The following TRPM2 variants were observed in gnomAD, a reference collection of about 807,000 sequenced individuals.
TRPM2 encodes the protein estrogen-responsive element-associated gene 1 protein.
A neutral mutation model predicts 174.0 loss-of-function variants in TRPM2; 161 were observed. The ratio of observed to expected loss-of-function variants is 0.93; its 90% CI spans 0.81 to 1.05. The LOEUF is 1.05. TRPM2 is among the 50% of genes least tolerant of loss of function. TRPM2 has a pLI of 0.00. For missense variants in TRPM2, 2,057 were observed against 2,038.0 expected (o/e 1.01, Z -0.18); for synonymous variants, 954 against 861.3 (o/e 1.11, Z -1.88).
chr21:44,373,591 C>T (rs938617906), intron 5 of TRPM2, among the ~76,000 whole-genome samples: 2 of 111,250 alleles, frequency 1.8e-5, no homozygotes, highest in African/African-American at 5.7e-5. Context: ...ATGCGACCTG[C>T]ATTATATGCG....
At chr21:44,398,404 T>C (rs1453306956) in intron 13 of TRPM2, among the ~76,000 whole-genome samples, 1 of 152,114 alleles carries the variant, frequency 6.6e-6, no homozygotes, top group African/African-American at 2.4e-5. Flanking sequence ...TTTCATCATA[T>C]TGGTCAGGCT....
intron 22 of TRPM2, among the ~76,000 whole-genome samples, chr21:44,420,599 C>T (rs868410690): frequency 2.0e-5 from 3 of 152,344 alleles, no homozygotes; most frequent in South Asian, 4.1e-4. Context: ...ACAACCTTCT[C>T]TTACTTGCTG....
At chr21:44,408,751 G>A (rs1365041023) in intron 19 of TRPM2, among the ~76,000 whole-genome samples, 4 of 149,572 alleles carry the variant, frequency 2.7e-5, no homozygotes, top group Non-Finnish European at 4.4e-5. Context: ...TCTGCCTCCC[G>A]GGCTCAAGTG....
At chr21:44,418,608 C>G (rs1287854505) in intron 22 of TRPM2, 53 bp downstream of exon 22, 2 of 1,600,732 alleles carry the variant, frequency 1.2e-6, no homozygotes, top group Non-Finnish European at 1.7e-6. Flanking sequence ...GGACCTCCTG[C>G]AGGTCCACAG....
chr21:44,395,338 G>A (rs2146255483), intron 11 of TRPM2, 76 bp from the exon 12 acceptor site: 1 of 1,553,796 alleles, frequency 6.4e-7, no homozygotes, highest in Non-Finnish European at 8.7e-7. Context: ...GTCAGGGCCT[G>A]CACCTCTGAC....
At chr21:44,385,568 C>T (rs2048996007) in intron 9 of TRPM2, among the ~76,000 whole-genome samples, 1 of 152,182 alleles carries the variant, frequency 6.6e-6, no homozygotes, top group Non-Finnish European at 1.5e-5. Context: ...AGAAATAAAA[C>T]TTATAAATTG....
At chr21:44,407,043 C>T (rs1469629199) in intron 19 of TRPM2, among the ~76,000 whole-genome samples, 10 of 149,414 alleles carry the variant, frequency 6.7e-5, no homozygotes, top group South Asian at 4.3e-4. Context: ...CAGCTGACAG[C>T]CCCCTGAAAT....
intron 22 of TRPM2, chr21:44,423,361 C>T: frequency 2.3e-6 from 1 of 437,950 alleles, no homozygotes; most frequent in Non-Finnish European, 4.2e-6. Flanking sequence ...CCTGGCCCTC[C>T]CTCAGTTCAC....
At chr21:44,401,564 G>A in intron 15 of TRPM2, 117 bp from the exon 16 acceptor site, 1 of 1,025,820 alleles carries the variant, frequency 9.7e-7, no homozygotes, top group East Asian at 2.5e-5. Flanking sequence ...GAGTGCTTTT[G>A]CCTCTAAAAG....
chr21:44,436,198 A>C (rs1447342111), intron 28 of TRPM2, among the ~76,000 whole-genome samples: 1 of 152,182 alleles, frequency 6.6e-6, no homozygotes, highest in Non-Finnish European at 1.5e-5. Flanking sequence ...GCAGGTGCAG[A>C]CGCCTGCGTC....
At position 44,401,745 on chromosome 21, in the gene TRPM2, G is replaced by A. The variant is rs554340633; in HGVS notation, c.2386G>A (p.Val796Met). 1.6e-5 allele frequency: 26 copies of A among 1,613,624 alleles called. No homozygotes were observed. In the Middle Eastern group the frequency reaches 4.9e-4, roughly 31 times the overall value. ...CGCCCGTGCCTTCTTCACCGCACCC[G>A]TGGTGGTCTTCCACCTGAACATCCT... is the stretch of plus-strand genomic sequence containing the variant. The part of the protein sequence containing the change: ...ARARAFFTAP[V>M]VVFHLNILSY... Residue 796 changes from valine to methionine, a missense_variant, in exon 16 of 32, where the codon GTG (valine) becomes ATG (methionine). By Grantham distance (21) the Val-to-Met change is conservative (BLOSUM62 1). Transcript: ENST00000397928.
At position 44,438,847 on chromosome 21, in the gene TRPM2, C is replaced by G. The variant is rs2051378156; in HGVS notation, c.4168-220C>G. Among the ~76,000 whole-genome samples, 1 of 152,184 alleles carries G rather than the reference C, an allele frequency of 6.6e-6. No homozygotes were observed. Among genetic ancestry groups the G allele is most frequent in the Non-Finnish European group, 1.5e-5 (1 of 68,020 alleles). ...TGCTCCTCAGAGGTTGTGTCTGCAG[C>G]CCAGTGCCCCCTGCTCGGGCCACGG... On this transcript the variant is annotated intron_variant, in intron 29 of 31. Coordinates refer to ENST00000397928, the MANE Select transcript of TRPM2 (RefSeq NM_003307.4). The surrounding 1 kb of genome is among the most constrained non-coding windows in gnomAD (Gnocchi z 5.9).
Position 44,366,918 on chromosome 21 carries a change from G to C in TRPM2, c.588G>C (p.Lys196Asn), listed in dbSNP as rs1170724078. 1 of 1,598,258 alleles carries C rather than the reference G, an allele frequency of 6.3e-7. No individual in the cohort carries two copies. Among genetic ancestry groups the C allele is most frequent in the Admixed American group, 1.7e-5 (1 of 58,972 alleles). The change falls in exon 4 of 32, where the codon AAG becomes AAC. Residue 196 changes from lysine to asparagine, a missense_variant. Physicochemically the swap from Lys to Asn is moderately conservative, Grantham distance 94. Transcript: ENST00000397928. The surrounding 1 kb of genome is among the most constrained non-coding windows in gnomAD (Gnocchi z 6.0). ...GCATTTTCCGCAGAGGCCTGGTCAAGGTGGCTCAGACCACAGGTAACTCGG... is the reference window on the plus strand; with the variant it reads ...GCATTTTCCGCAGAGGCCTGGTCAACGTGGCTCAGACCACAGGTAACTCGG... The part of the protein sequence containing the change: ...LKSIFRRGLV[K>N]VAQTTGAWII...
chr21:44,401,995 C>T, intron 16 of TRPM2, 98 bp downstream of exon 16: 1 of 1,357,140 alleles, frequency 7.4e-7, no homozygotes, highest in South Asian at 1.2e-5. Flanking sequence ...CCCATCTAGC[C>T]TGCCCAGCTC....
rs769047644 is a variant in TRPM2 at position 44,427,114 on chromosome 21, G to A, written c.3974+3G>A. On this transcript the variant is annotated splice_donor_region_variant and intron_variant, in intron 27 of 31. Coordinates refer to ENST00000397928, the MANE Select transcript of TRPM2 (RefSeq NM_003307.4). ...ACAGTGCAGGCCGGGTTGCCCCTGT[G>A]AGTGTGCCCCCTGCGGGCCCCGCCC... 5 of 1,583,456 alleles carry A rather than the reference G, an allele frequency of 3.2e-6. No homozygotes were observed. The South Asian group carries it at 3.5e-5, about 11-fold the overall frequency.
At chr21:44,375,202 G>A (rs1347684086) in intron 5 of TRPM2, among the ~76,000 whole-genome samples, 1 of 152,188 alleles carries the variant, frequency 6.6e-6, no homozygotes, top group Non-Finnish European at 1.5e-5. Context: ...GAGCCACCGC[G>A]CCCGTCTCCG....
intron 9 of TRPM2, among the ~76,000 whole-genome samples, chr21:44,388,576 C>T (rs138873890): frequency 1.2e-3 from 187 of 150,368 alleles, no homozygotes; most frequent in African/African-American, 4.2e-3. Context: ...TGCCTATAAT[C>T]GCAGCACTTT....
rs547210161 is a variant in TRPM2 at position 44,376,124 on chromosome 21, G to A, written c.952+111G>A. The A allele has an allele frequency of 6.0e-6, 8 of 1,336,928 alleles. No homozygotes were observed. The South Asian group carries it at 9.8e-5, about 16-fold the overall frequency. The allele number at this position is 1,336,928 out of a possible 1,614,324, so 82.8% of individuals were successfully genotyped here. A position where few individuals can be genotyped will look rare whatever the true frequency, so the allele number is the denominator to read the frequency against. On this transcript the variant is annotated intron_variant, in intron 6 of 31. Transcript: ENST00000397928. This position sits in a 1 kb window ranked among gnomAD's most constrained non-coding sequence, Gnocchi z 4.2. ...CGTTCAACAGGCCTGGCGTTTGGCA[G>A]AGAGTGCAGTGGGCTGGTCAGAGTG... is the stretch of plus-strand genomic sequence containing the variant.
chr21:44,365,580 C>T (rs914629019), intron 3 of TRPM2, among the ~76,000 whole-genome samples: 1 of 152,168 alleles, frequency 6.6e-6, no homozygotes, highest in Admixed American at 6.5e-5. Context: ...GAGGCCCTAC[C>T]TACCCTTTGT....
Sources: gnomAD v4.1 joint callset for allele counts (sites outside exome capture counted in the v4.1 genomes callset) on GRCh38, gnomAD v4.1.1 for gene constraint, Gnocchi (gnomAD v3.1) non-coding constraint, MANE v1.5 for transcripts, NCBI Gene and HGNC (gene_info 2026-07-23, HGNC 2026-07-21) for gene names.